ZCCHC14: variants seen among roughly 807,000 people sequenced by gnomAD.
The protein encoded by ZCCHC14 is zinc finger CCHC-type containing 14, also known as zinc finger CCHC domain-containing protein 14.
A neutral mutation model predicts 85.0 loss-of-function variants in ZCCHC14; 16 were observed. The ratio of observed to expected loss-of-function variants is 0.19; its 90% confidence interval spans 0.13 to 0.29. The LOEUF (loss-of-function observed/expected upper bound fraction) is 0.29. Ranked by LOEUF, ZCCHC14 falls within the 10% of genes least tolerant of loss-of-function variation. The pLI, the probability that ZCCHC14 is intolerant of heterozygous loss-of-function variation, is 1.00. For synonymous variants in ZCCHC14, 775 were observed against 630.7 expected (o/e 1.23, Z -3.43); for missense variants, 1,303 against 1,443.5 (o/e 0.90, Z 1.58).
In ZCCHC14 at chr16:87,411,812, C is replaced by A. The variant is rs775301769; in HGVS notation, c.2909G>T (p.Ser970Ile). ...GTACTGCTGGGCGCTGACGTAGCCG[C>A]TGCTGCACATGGGACTGAAGGGCAA... Reference protein sequence around the residue: ...PFLPFSPMCSSGYVSAQQYGG... With the variant: ...PFLPFSPMCSIGYVSAQQYGG... The change falls in exon 12 of 13, where the codon AGC (serine) becomes ATC (isoleucine). Residue 970 changes from serine (S) to isoleucine (I), a missense_variant. Physicochemically the swap from Ser to Ile is moderately radical, Grantham distance 142. Coordinates refer to ENST00000671377, the MANE Select transcript of ZCCHC14 (RefSeq NM_015144.3). 6.2e-7 allele frequency: 1 copy of A among 1,612,056 alleles called. No homozygotes were observed. The highest frequency in any genetic ancestry group is 8.5e-7 in the Non-Finnish European group (1 of 1,179,302).
At chr16:87,440,356 G>C (rs374833827) in intron 2 of ZCCHC14, among the ~76,000 whole-genome samples, 2 of 151,884 alleles carry the variant, frequency 1.3e-5, no homozygotes, top group Non-Finnish European at 1.5e-5. Context: ...GTAGAGACAG[G>C]GTTTCGACAT....
intron 4 of ZCCHC14, among the ~76,000 whole-genome samples, chr16:87,422,815 C>T (rs1472879996): frequency 2.0e-5 from 3 of 151,838 alleles, no homozygotes. Flanking sequence ...GAGTGGAGTC[C>T]AGGGAAGCTG....
chr16:87,478,315 C>T (rs1461718506), intron 1 of ZCCHC14, among the ~76,000 whole-genome samples: 1 of 152,188 alleles, frequency 6.6e-6, no homozygotes, highest in East Asian at 1.9e-4. Context: ...AGCAAGAATT[C>T]CATGATTCTG....
intron 1 of ZCCHC14, among the ~76,000 whole-genome samples, chr16:87,487,123 A>G (rs150739018): frequency 5.4e-4 from 82 of 152,324 alleles, no homozygotes; most frequent in African/African-American, 1.9e-3. Flanking sequence ...AGACATTTTC[A>G]GCAGGTTTAT....
chr16:87,469,465 C>T (rs1163904216), intron 1 of ZCCHC14, among the ~76,000 whole-genome samples: 2 of 152,196 alleles, frequency 1.3e-5, no homozygotes, highest in Admixed American at 1.3e-4. Context: ...AGGAGGCGAG[C>T]GGAGCACAGC....
intron 2 of ZCCHC14, among the ~76,000 whole-genome samples, chr16:87,450,088 C>T (rs550144420): frequency 1.3e-5 from 2 of 152,172 alleles, no homozygotes; most frequent in African/African-American, 2.4e-5. Context: ...TTCCAGCAGA[C>T]GCCCCTTCTT....
At chr16:87,487,577 G>A (rs1363904374) in intron 1 of ZCCHC14, among the ~76,000 whole-genome samples, 2 of 152,254 alleles carry the variant, frequency 1.3e-5, no homozygotes, top group African/African-American at 2.4e-5. Context: ...AATCCACCAG[G>A]TGGAACAGGA....
intron 1 of ZCCHC14, among the ~76,000 whole-genome samples, chr16:87,465,406 A>G (rs1249875299): frequency 6.6e-6 from 1 of 152,248 alleles, no homozygotes; most frequent in East Asian, 1.9e-4. Context: ...GTAACAGACA[A>G]TCAGATTGTT....
At chr16:87,419,493 G>C (rs1237472307) in intron 6 of ZCCHC14, among the ~76,000 whole-genome samples, 1 of 152,194 alleles carries the variant, frequency 6.6e-6, no homozygotes, top group Non-Finnish European at 1.5e-5. Flanking sequence ...AGTAGACACG[G>C]GGTTTCACCA....
intron 8 of ZCCHC14, among the ~76,000 whole-genome samples, chr16:87,416,479 C>T (rs186386319): frequency 2.0e-3 from 305 of 152,160 alleles, no homozygotes; most frequent in African/African-American, 6.9e-3. Context: ...AATCCTTGGC[C>T]AGGCGCGGTG....
At chr16:87,429,162 T>G (rs1030927648) in intron 3 of ZCCHC14, among the ~76,000 whole-genome samples, 6 of 152,188 alleles carry the variant, frequency 3.9e-5, no homozygotes, top group African/African-American at 1.4e-4. Context: ...TCAGTGAATG[T>G]GATTCTAGCT....
intron 1 of ZCCHC14, among the ~76,000 whole-genome samples, chr16:87,485,852 G>A (rs1912492710): frequency 1.3e-5 from 2 of 152,294 alleles, no homozygotes; most frequent in Admixed American, 6.5e-5. Flanking sequence ...CAGGACTAAA[G>A]AGAAAATGGG....
chr16:87,442,645 T>C (rs1216141293), intron 2 of ZCCHC14, among the ~76,000 whole-genome samples: 4 of 152,212 alleles, frequency 2.6e-5, no homozygotes, highest in African/African-American at 9.6e-5. Flanking sequence ...GACATAAGCC[T>C]ATGCATAAGA....
chr16:87,463,556 C>G (rs4583242), intron 1 of ZCCHC14, among the ~76,000 whole-genome samples: 1 of 152,004 alleles, frequency 6.6e-6, no homozygotes, highest in African/African-American at 2.4e-5. Context: ...CGGTGGCTCA[C>G]GTCTGTAATC....
intron 2 of ZCCHC14, among the ~76,000 whole-genome samples, chr16:87,457,787 T>A (rs1044964759): frequency 3.9e-5 from 6 of 152,150 alleles, no homozygotes; most frequent in African/African-American, 1.2e-4. Context: ...CCCAACAGAA[T>A]ATTAAAAGGA....
intron 2 of ZCCHC14, among the ~76,000 whole-genome samples, chr16:87,451,520 G>A (rs1272328940): frequency 6.6e-6 from 1 of 152,224 alleles, no homozygotes. Context: ...GTAATGATTA[G>A]TGATGTGGCA....
At chr16:87,449,356 T>G (rs1489324155) in intron 2 of ZCCHC14, among the ~76,000 whole-genome samples, 1 of 152,042 alleles carries the variant, frequency 6.6e-6, no homozygotes, top group African/African-American at 2.4e-5. Context: ...AAGGGATAGA[T>G]GCAGGGAAGA....
chr16:87,442,779 T>G (rs959738601), intron 2 of ZCCHC14, among the ~76,000 whole-genome samples: 21 of 152,118 alleles, frequency 1.4e-4, no homozygotes, highest in African/African-American at 5.1e-4. Context: ...ATACATTACC[T>G]CATAGGAGAA....
At chr16:87,460,469 C>T (rs762757755) in intron 1 of ZCCHC14, among the ~76,000 whole-genome samples, 3 of 152,156 alleles carry the variant, frequency 2.0e-5, no homozygotes, top group African/African-American at 4.8e-5. Flanking sequence ...GCAGGTGGAT[C>T]TCTTGAGCCC....
Sources: gnomAD v4.1 joint callset for allele counts (sites outside exome capture counted in the v4.1 genomes callset) on GRCh38, gnomAD v4.1.1 for gene constraint, MANE v1.5 for transcripts, NCBI Gene and HGNC (gene_info 2026-07-23, HGNC 2026-07-21) for gene names.